Variants in CSMD1 observed in about 807,000 individuals in gnomAD.
CSMD1 encodes CUB and Sushi multiple domains 1.
CSMD1 carries 213 observed loss-of-function variants against 417.5 expected under a neutral mutation model. That is an observed-to-expected ratio of 0.51 (90% CI 0.46 to 0.57). The LOEUF (loss-of-function observed/expected upper bound fraction) is 0.57, where lower values mean the gene tolerates loss of function less well. Among genes scored for constraint, CSMD1 ranks in the 20% least tolerant of loss-of-function variants. The pLI, the probability that CSMD1 is intolerant of heterozygous loss-of-function variation, is 0.00. For missense variants in CSMD1, 6,923 were observed against 4,529.7 expected, an observed-to-expected ratio of 1.53 and a Z score of -15.17; for synonymous variants, 2,862 against 1,736.8, an observed-to-expected ratio of 1.65 and a Z score of -16.11.
In CSMD1 at chr8:3,343,280, C is replaced by G; in HGVS notation, c.3631+14G>C. The G allele has an allele frequency of 1.2e-6, 2 of 1,608,204 alleles. No individual in the cohort carries two copies. The highest frequency in any genetic ancestry group is 1.1e-5 in the South Asian group (1 of 90,684). ...AAATGAAAAAAGAACGTGATTAAGT[C>G]GTATGTTACTTACTGGTATAGGTGA... On this transcript the variant is annotated intron_variant, in intron 23 of 69. Transcript: ENST00000635120.
rs548945441 is a variant in CSMD1 at position 3,705,687 on chromosome 8, G to A, written c.1009+2727C>T. 2.3e-4 allele frequency among the ~76,000 whole-genome samples: 35 copies of A among 152,280 alleles called. 1 individual carries two copies. Among genetic ancestry groups the A allele is most frequent in the Admixed American group, 1.5e-3 (23 of 15,296 alleles). Reference sequence around the variant, plus strand: ...TTTCCATAAATCTTCTGTCATATCCGCAACAAAACCCTTAGTTGGGGAAAG... The same window carrying A: ...TTTCCATAAATCTTCTGTCATATCCACAACAAAACCCTTAGTTGGGGAAAG... On this transcript the variant is annotated intron_variant, in intron 7 of 69. Coordinates refer to ENST00000635120, the MANE Select transcript of CSMD1 (RefSeq NM_033225.6).
intron 2 of CSMD1, among the ~76,000 whole-genome samples, chr8:4,544,963 CTTG>C (rs1056171657): frequency 7.2e-4 from 109 of 152,310 alleles, no homozygotes; most frequent in African/African-American, 2.5e-3. Flanking sequence ...TAATATGTCA[CTTG>C]TTGTCTATAA....
chr8:4,957,774 G>A (rs1465414172), intron 1 of CSMD1, among the ~76,000 whole-genome samples: 3 of 151,966 alleles, frequency 2.0e-5, no homozygotes, highest in South Asian at 4.2e-4. Flanking sequence ...AATTTAAAAC[G>A]TGTACACAAA....
intron 5 of CSMD1, among the ~76,000 whole-genome samples, chr8:3,810,784 G>A (rs1391331393): frequency 1.3e-5 from 2 of 152,090 alleles, no homozygotes; most frequent in Non-Finnish European, 2.9e-5. Flanking sequence ...GCATCACTGG[G>A]TCCGGCACAT....
chr8:4,036,031 C>A (rs901891040), intron 3 of CSMD1, among the ~76,000 whole-genome samples: 1 of 152,050 alleles, frequency 6.6e-6, no homozygotes, highest in African/African-American at 2.4e-5. Flanking sequence ...TGTTTAGAGA[C>A]ACATATACTG....
chr8:4,185,111 C>A (rs1389693102), intron 3 of CSMD1, among the ~76,000 whole-genome samples: 1 of 137,236 alleles, frequency 7.3e-6, no homozygotes, highest in Non-Finnish European at 1.5e-5. Context: ...TGCACTCCAG[C>A]CTGGGCACCT....
intron 3 of CSMD1, among the ~76,000 whole-genome samples, chr8:4,295,664 G>C (rs1055712135): frequency 1.4e-5 from 2 of 140,544 alleles, no homozygotes; most frequent in Non-Finnish European, 3.0e-5. Flanking sequence ...ATAATCTTAA[G>C]ATTACATATG....
chr8:2,963,408 A>C lies in CSMD1; in HGVS notation c.9281-13T>G, dbSNP rs1397080713. ...GGACACAGCACGGCTATTTCCAAAG[A>C]ACAAACAAGATCAACATTCCGGAGC... On this transcript the variant is annotated splice_polypyrimidine_tract_variant and intron_variant, in intron 59 of 69. Coordinates refer to ENST00000635120, the MANE Select transcript of CSMD1 (RefSeq NM_033225.6). 2.5e-6 allele frequency: 4 copies of C among 1,610,512 alleles called. No individual in the cohort carries two copies. The Admixed American group carries it at 6.7e-5, about 27-fold the overall frequency.
intron 11 of CSMD1, among the ~76,000 whole-genome samples, chr8:3,479,483 T>C (rs1817611701): frequency 6.6e-6 from 1 of 152,172 alleles, no homozygotes; most frequent in South Asian, 2.1e-4. Context: ...TTTCTCCGTA[T>C]TGGTCATGCT....
Position 3,211,668 on chromosome 8 carries a change from G to A in CSMD1, c.4867+2829C>T, listed in dbSNP as rs190911737. 9.2e-5 allele frequency among the ~76,000 whole-genome samples: 14 copies of A among 152,314 alleles called. 1 individual carries two copies. The East Asian group carries it at 1.7e-3, about 19-fold the overall frequency. Reference sequence around the variant, plus strand: ...GAGTCTTGTCTGGAGTGACACAGACGGGAGGAGGTGAGGCGAGATCTGGTC... The same window carrying A: ...GAGTCTTGTCTGGAGTGACACAGACAGGAGGAGGTGAGGCGAGATCTGGTC... On this transcript the variant is annotated intron_variant, in intron 30 of 69. Coordinates refer to ENST00000635120, the MANE Select transcript of CSMD1 (RefSeq NM_033225.6).
At chr8:4,489,567 C>A (rs1585157429) in intron 2 of CSMD1, among the ~76,000 whole-genome samples, 1 of 152,148 alleles carries the variant, frequency 6.6e-6, no homozygotes, top group African/African-American at 2.4e-5. Context: ...AGGTGCCACC[C>A]TCCCCATCCC....
chr8:3,071,538 G>T (rs1813323417), intron 49 of CSMD1, among the ~76,000 whole-genome samples: 1 of 152,140 alleles, frequency 6.6e-6, no homozygotes, highest in South Asian at 2.1e-4. Context: ...TAAAATGTAT[G>T]TCTAACATAC....
intron 10 of CSMD1, among the ~76,000 whole-genome samples, chr8:3,528,164 G>A (rs781201238): frequency 6.6e-6 from 1 of 152,192 alleles, no homozygotes; most frequent in Non-Finnish European, 1.5e-5. Flanking sequence ...ATTTTGCATG[G>A]TTAACTCCCC....
At chr8:4,769,262 A>T (rs1468803048) in intron 1 of CSMD1, among the ~76,000 whole-genome samples, 1 of 152,222 alleles carries the variant, frequency 6.6e-6, no homozygotes, top group Non-Finnish European at 1.5e-5. Context: ...GGCAGCCAGA[A>T]CAAATTGAGT....
chr8:3,947,295 G>A (rs1488277565), intron 5 of CSMD1, among the ~76,000 whole-genome samples: 2 of 151,992 alleles, frequency 1.3e-5, no homozygotes, highest in Non-Finnish European at 2.9e-5. Context: ...TATGTATGCA[G>A]CTTTTAATTT....
At chr8:3,994,996 G>C (rs1052255795) in intron 5 of CSMD1, among the ~76,000 whole-genome samples, 2 of 152,086 alleles carry the variant, frequency 1.3e-5, no homozygotes, top group East Asian at 1.9e-4. Context: ...CCCTGTGCTT[G>C]GGAAGAGGTC....
intron 3 of CSMD1, among the ~76,000 whole-genome samples, chr8:4,067,396 A>C (rs550721700): frequency 1.3e-5 from 2 of 152,326 alleles, no homozygotes; most frequent in South Asian, 2.1e-4. Context: ...GTAGAAAAAC[A>C]GTATTTCCTA....
At chr8:3,836,138 T>A (rs1034665164) in intron 5 of CSMD1, among the ~76,000 whole-genome samples, 3 of 152,178 alleles carry the variant, frequency 2.0e-5, no homozygotes, top group African/African-American at 7.2e-5. Context: ...AGGTGTGAAG[T>A]TATTTTTTTC....
chr8:3,468,249 A>G (rs1382507515), intron 12 of CSMD1, among the ~76,000 whole-genome samples: 1 of 152,246 alleles, frequency 6.6e-6, no homozygotes, highest in Non-Finnish European at 1.5e-5. Flanking sequence ...TAACTTGTAA[A>G]GTTGTAAACT....
Sources: gnomAD v4.1 joint callset for allele counts (sites outside exome capture counted in the v4.1 genomes callset) on GRCh38, gnomAD v4.1.1 for gene constraint, MANE v1.5 for transcripts, NCBI Gene and HGNC (gene_info 2026-07-23, HGNC 2026-07-21) for gene names.